Variants in POU2F2 observed in about 807,000 individuals in gnomAD.
POU2F2 encodes POU class 2 homeobox 2.
POU2F2 carries 14 observed loss-of-function variants against 63.5 expected under a neutral mutation model. The observed-to-expected ratio is 0.22, with a 90% CI of 0.15 to 0.34. The LOEUF (loss-of-function observed/expected upper bound fraction) is 0.34. POU2F2 is among the 10% of genes least tolerant of loss of function. The pLI, the probability that POU2F2 is intolerant of heterozygous loss-of-function variation, is 1.00. For missense variants in POU2F2, 607 were observed against 815.2 expected, an observed-to-expected ratio of 0.74 and a Z score of 3.11; for synonymous variants, 306 against 348.6, an observed-to-expected ratio of 0.88 and a Z score of 1.36.
At chr19:42,135,378 C>A (rs2033984406), upstream of POU2F2, among the ~76,000 whole-genome samples, 1 of 152,078 alleles carries the variant, frequency 6.6e-6, no homozygotes, top group Non-Finnish European at 1.5e-5. Flanking sequence ...AGCGCCCAGG[C>A]CAGGGGCAGC....
At chr19:42,186,093 G>T (rs951564104) in intron 1 of POU2F2, among the ~76,000 whole-genome samples, 1 of 152,010 alleles carries the variant, frequency 6.6e-6, no homozygotes, top group Non-Finnish European at 1.5e-5. Context: ...CGCCGAGGCG[G>T]GTGGATCATG....
At chr19:42,138,245 G>A (rs1232519053) in intron 2 of POU2F2, among the ~76,000 whole-genome samples, 1 of 152,230 alleles carries the variant, frequency 6.6e-6, no homozygotes. Flanking sequence ...GTGATTGGCT[G>A]AATGTGGGGC....
chr19:42,108,362 A>G (rs1043329756), intron 5 of POU2F2, among the ~76,000 whole-genome samples: 1 of 152,194 alleles, frequency 6.6e-6, no homozygotes, highest in African/African-American at 2.4e-5. Flanking sequence ...AGGCTGAGAC[A>G]GGTGGATTGC....
At chr19:42,120,064 G>A (rs1260229885) in intron 4 of POU2F2, among the ~76,000 whole-genome samples, 1 of 151,886 alleles carries the variant, frequency 6.6e-6, no homozygotes, top group African/African-American at 2.4e-5. Flanking sequence ...CTACAGGCAT[G>A]CACACCCAGC....
At chr19:42,157,093 GC>G (rs1353683659) in intron 2 of POU2F2, 2 of 152,274 alleles carry the variant, frequency 1.3e-5, no homozygotes, top group Non-Finnish European at 2.9e-5. Flanking sequence ...CCCTGTTCTT[GC>G]CCTGGCACTT....
intron 1 of POU2F2, among the ~76,000 whole-genome samples, chr19:42,164,603 G>A (rs1599698750): frequency 6.6e-6 from 1 of 151,308 alleles, no homozygotes; most frequent in South Asian, 2.1e-4. Flanking sequence ...TGGGTCCCAG[G>A]TATCTAAATT....
Position 42,142,980 on chromosome 19 carries a change from T to C in POU2F2, c.-9+17352A>G, listed in dbSNP as rs147555693. Among the ~76,000 whole-genome samples the C allele has an allele frequency of 2.8e-3, 418 of 151,252 alleles. 2 individuals are homozygous for C. The highest frequency in any genetic ancestry group is 4.2e-3 in the Non-Finnish European group (284 of 67,780). On this transcript the variant is annotated intron_variant, in intron 2 of 6. Coordinates refer to the POU2F2 transcript ENST00000524801. ...GTTACCTCCAGCAGAGAGGAAGGAG[T>C]ATGTTTGGAAAGGGACACACGGGGT... is the stretch of plus-strand genomic sequence containing the variant.
At chr19:42,157,887 G>A (rs954272241) in intron 2 of POU2F2, among the ~76,000 whole-genome samples, 9 of 152,070 alleles carry the variant, frequency 5.9e-5, no homozygotes, top group Admixed American at 3.3e-4. Flanking sequence ...GGAGTCACAC[G>A]GGAGCATAGG....
At chr19:42,116,892 GGCAGCGGCGTTA>G in intron 5 of POU2F2, 1 of 478,374 alleles carries the variant, frequency 2.1e-6, no homozygotes, top group Non-Finnish European at 4.1e-6. Context: ...CGGCGGCGGC[GGCAGCGGCGTTA>G]GCGGCAGCGG....
At chr19:42,144,445 T>G (rs529897834) in intron 2 of POU2F2, among the ~76,000 whole-genome samples, 1 of 152,346 alleles carries the variant, frequency 6.6e-6, no homozygotes, top group East Asian at 1.9e-4. Flanking sequence ...CCTCCCCTGG[T>G]GCTCCACTCC....
intron 1 of POU2F2, among the ~76,000 whole-genome samples, chr19:42,189,157 A>G (rs2146824679): frequency 6.6e-6 from 1 of 152,292 alleles, no homozygotes; most frequent in South Asian, 2.1e-4. Flanking sequence ...GTAAGCAGGA[A>G]TGGATACCAA....
chr19:42,154,211 G>C (rs910737027), intron 2 of POU2F2, among the ~76,000 whole-genome samples: 11 of 152,022 alleles, frequency 7.2e-5, no homozygotes, highest in Non-Finnish European at 1.3e-4. Flanking sequence ...GGGACAGGGA[G>C]GGGGAGCGAG....
At position 42,152,461 on chromosome 19, in the gene POU2F2, G is replaced by GCTATCGAC. The variant is rs2034372428; in HGVS notation, c.-9+7863_-9+7870dup. On this transcript the variant is annotated intron_variant, in intron 2 of 6. Coordinates refer to the POU2F2 transcript ENST00000524801. The surrounding 1 kb of genome is among the most constrained non-coding windows in gnomAD (Gnocchi z 4.1). Reference sequence around the variant, plus strand: ...TCTCTCCCTCTCTCTTTCTCGGCTGGCTATCGACCGGGGCTGTGACATGGT... The same window carrying GCTATCGAC: ...TCTCTCCCTCTCTCTTTCTCGGCTGGCTATCGACCTATCGACCGGGGCTGTGACATGGT... 1 of 152,288 alleles carries GCTATCGAC rather than the reference G, an allele frequency of 6.6e-6. No individual in the cohort carries two copies. The highest frequency in any genetic ancestry group is 2.1e-4 in the South Asian group (1 of 4,804). The allele number at this position is 152,288 out of a possible 1,614,324, so 9.4% of individuals were successfully genotyped here.
chr19:42,174,393 C>T (rs915960406), intron 1 of POU2F2, among the ~76,000 whole-genome samples: 3 of 152,210 alleles, frequency 2.0e-5, no homozygotes, highest in African/African-American at 7.2e-5. Flanking sequence ...AAGCCAGACT[C>T]GGCACATGGG....
exon 1 of POU2F2, chr19:42,175,966 TC>T (rs145056817): frequency 8.5e-5 from 12 of 141,906 alleles, no homozygotes; most frequent in Admixed American, 2.1e-4. Flanking sequence ...CTCTTACCTC[TC>T]CCCCCCCATT....
intron 2 of POU2F2, among the ~76,000 whole-genome samples, chr19:42,147,623 C>A (rs2034258397): frequency 6.6e-6 from 1 of 152,208 alleles, no homozygotes; most frequent in Non-Finnish European, 1.5e-5. Context: ...TTAAATGGAT[C>A]CTGCATAGGG....
intron 2 of POU2F2, among the ~76,000 whole-genome samples, chr19:42,140,225 C>A (rs2034099571): frequency 4.6e-5 from 7 of 152,162 alleles, no homozygotes; most frequent in Admixed American, 4.6e-4. Context: ...CTTGCTGCTG[C>A]CCCCAGGCTT....
chr19:42,180,879 C>A (rs572149088), upstream of POU2F2, among the ~76,000 whole-genome samples: 6 of 151,112 alleles, frequency 4.0e-5, no homozygotes, highest in South Asian at 1.3e-3. Flanking sequence ...CAGGCATGCA[C>A]CACCACACCC....
Position 42,155,757 on chromosome 19 carries a change from G to A in POU2F2, c.-9+4575C>T, listed in dbSNP as rs2034445763. On this transcript the variant is annotated intron_variant, in intron 2 of 6. Coordinates refer to the POU2F2 transcript ENST00000524801. The surrounding 1 kb of genome is among the most constrained non-coding windows in gnomAD (Gnocchi z 4.2). ...TCCAGATCTCAGTGTGGCTCTCTCT[G>A]GAGACAAAAGCTAAGACTCAACCCA... is the stretch of plus-strand genomic sequence containing the variant. 6.6e-6 allele frequency: 1 copy of A among 152,214 alleles called. No individual in the cohort carries two copies. The highest frequency in any genetic ancestry group is 6.5e-5 in the Admixed American group (1 of 15,274). The allele number at this position is 152,214 out of a possible 1,614,324, so 9.4% of individuals were successfully genotyped here.
Sources: allele counts gnomAD v4.1 joint callset (sites outside exome capture counted in the v4.1 genomes callset), GRCh38; gene constraint gnomAD v4.1.1; non-coding constraint Gnocchi (gnomAD v3.1); transcripts MANE v1.5; gene names NCBI Gene and HGNC (gene_info 2026-07-23, HGNC 2026-07-21).